The following ETV5 variants were observed in gnomAD, a reference collection of about 807,000 sequenced individuals.
ETV5 encodes ETS variant transcription factor 5, also known as ETS translocation variant 5.
Under a neutral mutation model 70.0 loss-of-function variants are expected in ETV5, and 10 were observed. The ratio of observed to expected loss-of-function variants is 0.14; its 90% CI spans 0.09 to 0.24. ETV5 has a LOEUF of 0.24. Ranked by LOEUF, ETV5 falls within the 10% of genes least tolerant of loss-of-function variation. The pLI, the probability that ETV5 is intolerant of heterozygous loss-of-function variation, is 1.00. For synonymous variants in ETV5, 216 were observed against 242.2 expected (o/e 0.89, Z 1.01); for missense variants, 453 against 651.2 (o/e 0.70, Z 3.31).
intron 11 of ETV5, among the ~76,000 whole-genome samples, chr3:186,053,848 T>C (rs1028474407): frequency 3.3e-5 from 5 of 152,206 alleles, no homozygotes; most frequent in African/African-American, 1.2e-4. Flanking sequence ...ATAATATACA[T>C]CATTGTACCC....
chr3:186,061,110 C>T (rs530699048), intron 9 of ETV5, among the ~76,000 whole-genome samples: 3 of 152,172 alleles, frequency 2.0e-5, no homozygotes, highest in Non-Finnish European at 4.4e-5. Context: ...CCCATAAACA[C>T]GGCTCTTATG....
At chr3:186,079,383 G>T (rs1713875428) in intron 7 of ETV5, 1 of 232,620 alleles carries the variant, frequency 4.3e-6, no homozygotes, top group African/African-American at 2.2e-5. Context: ...GTTAAAATCA[G>T]ATAAGTAATA....
intron 7 of ETV5, among the ~76,000 whole-genome samples, chr3:186,070,137 T>C (rs1432127846): frequency 6.6e-6 from 1 of 152,208 alleles, no homozygotes; most frequent in Non-Finnish European, 1.5e-5. Context: ...GCCTTATTTT[T>C]GTAAAGTGCC....
chr3:186,066,522 A>T (rs888010351), intron 7 of ETV5, among the ~76,000 whole-genome samples: 10 of 152,186 alleles, frequency 6.6e-5, no homozygotes, highest in Admixed American at 6.5e-4. Context: ...AAGAAAAAAG[A>T]GAGAGAATCC....
chr3:186,073,424 A>G (rs979179574), intron 7 of ETV5, among the ~76,000 whole-genome samples: 3 of 152,222 alleles, frequency 2.0e-5, no homozygotes, highest in Non-Finnish European at 2.9e-5. Context: ...TCAGACGAAG[A>G]AACGAAAGTT....
intron 5 of ETV5, among the ~76,000 whole-genome samples, chr3:186,082,718 C>T (rs1426434152): frequency 2.0e-5 from 3 of 152,206 alleles, no homozygotes; most frequent in Non-Finnish European, 4.4e-5. Context: ...CGCACTCGGC[C>T]TAAACAATCA....
At chr3:186,065,152 G>C (rs1367804719) in intron 8 of ETV5, among the ~76,000 whole-genome samples, 1 of 152,122 alleles carries the variant, frequency 6.6e-6, no homozygotes, top group Non-Finnish European at 1.5e-5. Flanking sequence ...GTCCATGTGG[G>C]ATGAGCCATC....
chr3:186,081,632 A>G (rs182094202), intron 5 of ETV5, among the ~76,000 whole-genome samples: 6 of 152,360 alleles, frequency 3.9e-5, no homozygotes, highest in African/African-American at 1.4e-4. Flanking sequence ...TTTCTTATTC[A>G]GATGCATATT....
intron 9 of ETV5, among the ~76,000 whole-genome samples, chr3:186,063,767 T>C (rs1289920544): frequency 6.6e-6 from 1 of 152,036 alleles, no homozygotes; most frequent in Non-Finnish European, 1.5e-5. Context: ...CAGTACTCCC[T>C]ACCCCCTGCT....
chr3:186,092,646 C>A (rs1029086688), intron 5 of ETV5, among the ~76,000 whole-genome samples: 39 of 151,758 alleles, frequency 2.6e-4, no homozygotes, highest in African/African-American at 9.2e-4. Context: ...GTTGCCCAGG[C>A]TGGTCTCAAT....
At chr3:186,081,265 A>G in intron 5 of ETV5, 90 bp from the exon 6 acceptor site, 2 of 1,331,436 alleles carry the variant, frequency 1.5e-6, no homozygotes, top group Non-Finnish European at 2.0e-6. Flanking sequence ...CCTTCTAACT[A>G]GCTGATTGTT....
chr3:186,079,689 C>T, intron 7 of ETV5, 128 bp downstream of exon 7: 1 of 948,112 alleles, frequency 1.1e-6, no homozygotes, highest in Non-Finnish European at 1.6e-6. Context: ...TCTTGCCTCA[C>T]AAGCTGCCTC....
chr3:186,067,197 G>A (rs1473660521), intron 7 of ETV5, among the ~76,000 whole-genome samples: 3 of 152,234 alleles, frequency 2.0e-5, no homozygotes, highest in Non-Finnish European at 4.4e-5. Context: ...CACTTTGGGA[G>A]GCCAATGCGG....
chr3:186,099,909 A>G (rs1560056611), intron 5 of ETV5, among the ~76,000 whole-genome samples: 1 of 152,336 alleles, frequency 6.6e-6, no homozygotes, highest in East Asian at 1.9e-4. Context: ...GTTTTGTTAG[A>G]TGACTAACAG....
intron 12 of ETV5, among the ~76,000 whole-genome samples, chr3:186,051,812 C>A (rs1713040103): frequency 6.6e-6 from 1 of 152,224 alleles, no homozygotes; most frequent in South Asian, 2.1e-4. Context: ...GTTCTGCATG[C>A]AACTTCTAGT....
rs926479159 is a variant in ETV5, at chr3:186,108,591, C to CG, written c.-75+348dup. 1.1e-5 allele frequency: 13 copies of CG among 1,232,412 alleles called. No individual in the cohort carries two copies. The African/African-American group carries it at 1.9e-4, about 18-fold the overall frequency. The allele number at this position is 1,232,412 out of a possible 1,614,324, so 76.3% of individuals were successfully genotyped here. A position where few individuals can be genotyped will look rare whatever the true frequency, so the allele number is the denominator to read the frequency against. The stretch of plus-strand genomic sequence containing the variant: ...CTTCTCGCGAGCCTCCAAGTCCCCT[C>CG]GGGGCTCTCGAATCTCCAGAGACTG... On this transcript the variant is annotated intron_variant, in intron 1 of 12. Coordinates refer to ENST00000306376, the MANE Select transcript of ETV5 (RefSeq NM_004454.3).
At position 186,078,033 on chromosome 3, in the gene ETV5, G is replaced by A. The variant is rs901854375; in HGVS notation, c.650+1784C>T. ...CTCCTCTCTTCCTTTCAACACCCAC[G>A]GGCAAATAACTCATCAATCCCAGGA... On this transcript the variant is annotated intron_variant, in intron 7 of 12. Transcript: ENST00000306376. 115 of 1,057,508 alleles carry A rather than the reference G, an allele frequency of 1.1e-4. No individual in the cohort carries two copies. The African/African-American group carries it at 1.6e-3, about 14-fold the overall frequency. The allele number at this position is 1,057,508 out of a possible 1,614,324, so 65.5% of individuals were successfully genotyped here.
intron 9 of ETV5, among the ~76,000 whole-genome samples, chr3:186,059,392 C>G (rs1056068554): frequency 6.6e-6 from 1 of 152,100 alleles, no homozygotes; most frequent in Non-Finnish European, 1.5e-5. Context: ...TCTCATGGAG[C>G]CTGCATCTCA....
intron 5 of ETV5, among the ~76,000 whole-genome samples, chr3:186,087,817 G>A (rs75759236): frequency 0.022 from 3,322 of 151,936 alleles, 126 homozygotes; most frequent in African/African-American, 0.075. Flanking sequence ...GTTATGATGA[G>A]CAACAGTTCC....
Sources: allele counts gnomAD v4.1 joint callset (sites outside exome capture counted in the v4.1 genomes callset), GRCh38; gene constraint gnomAD v4.1.1; transcripts MANE v1.5; gene names NCBI Gene and HGNC (gene_info 2026-07-23, HGNC 2026-07-21).